The following RNF182 variants were observed in gnomAD, a reference collection of about 807,000 sequenced individuals.
RNF182 encodes the protein ring finger protein 182.
RNF182 carries 15 observed loss-of-function variants against 14.4 expected under a neutral mutation model. That is an observed-to-expected ratio of 1.04 (90% confidence interval 0.70 to 1.60). The LOEUF is 1.60. Ranked by LOEUF, RNF182 falls within the 40% of genes most tolerant of loss-of-function variation. The pLI is 0.00. For missense variants in RNF182, 268 were observed against 294.8 expected (o/e 0.91, Z 0.67); for synonymous variants, 128 against 122.9 (o/e 1.04, Z -0.27).
intron 1 of RNF182, among the ~76,000 whole-genome samples, chr6:13,941,877 C>T (rs1052135332): frequency 7.9e-5 from 12 of 152,270 alleles, no homozygotes; most frequent in South Asian, 4.1e-4. Flanking sequence ...AATAAAATAA[C>T]ATTATACATT....
intron 1 of RNF182, among the ~76,000 whole-genome samples, chr6:13,928,427 T>C (rs1758884147): frequency 6.6e-6 from 1 of 152,246 alleles, no homozygotes; most frequent in African/African-American, 2.4e-5. Context: ...ATTTATTTTA[T>C]ATGTAATTCT....
chr6:13,938,896 A>G (rs1289341936), intron 1 of RNF182, among the ~76,000 whole-genome samples: 2 of 152,190 alleles, frequency 1.3e-5, no homozygotes, highest in African/African-American at 4.8e-5. Flanking sequence ...CAGCCTGGCC[A>G]ACATGGTGAA....
intron 1 of RNF182, among the ~76,000 whole-genome samples, chr6:13,942,406 A>G (rs950280053): frequency 6.6e-6 from 1 of 152,156 alleles, no homozygotes; most frequent in Non-Finnish European, 1.5e-5. Flanking sequence ...AAGTGGTGTG[A>G]TCTCAGCTCA....
At chr6:13,974,706 T>A (rs1760280675) in intron 2 of RNF182, among the ~76,000 whole-genome samples, 1 of 152,250 alleles carries the variant, frequency 6.6e-6, no homozygotes, top group Non-Finnish European at 1.5e-5. Flanking sequence ...TGTTCTAATG[T>A]GTTCTTACGT....
At chr6:13,947,257 A>T (rs1282931976) in intron 1 of RNF182, among the ~76,000 whole-genome samples, 2 of 152,198 alleles carry the variant, frequency 1.3e-5, no homozygotes, top group Non-Finnish European at 2.9e-5. Flanking sequence ...TAAATTGCAG[A>T]AAAAACTCAA....
chr6:13,955,640 T>G (rs377235860), intron 1 of RNF182, among the ~76,000 whole-genome samples: 1 of 152,238 alleles, frequency 6.6e-6, no homozygotes, highest in African/African-American at 2.4e-5. Context: ...CACAGGGCCC[T>G]TGATGCATTA....
In RNF182 at chr6:13,925,033, T is replaced by C. The variant is rs1317155017; in HGVS notation, c.-367+10T>C. The C allele has an allele frequency of 8.2e-3, 19 of 2,312 alleles. No individual in the cohort carries two copies. The highest frequency in any genetic ancestry group is 0.12 in the South Asian group (2 of 16). The allele number at this position is 2,312 out of a possible 1,614,324, so 0.1% of individuals were successfully genotyped here. ...GGCCGCCGCCGGCCAGGTAAGGCGA[T>C]CGCGCCCGCGGCCGGGGAGGGGTCG... On this transcript the variant is annotated intron_variant, in intron 1 of 2. Transcript: ENST00000488300.
intron 1 of RNF182, among the ~76,000 whole-genome samples, chr6:13,953,596 G>A (rs574122805): frequency 3.3e-5 from 5 of 152,166 alleles, no homozygotes; most frequent in Admixed American, 6.5e-5. Context: ...ATAAAGTGGC[G>A]TAAGTCAGGG....
intron 1 of RNF182, among the ~76,000 whole-genome samples, chr6:13,941,116 C>G (rs186915281): frequency 6.6e-6 from 1 of 152,148 alleles, no homozygotes; most frequent in East Asian, 1.9e-4. Flanking sequence ...AAGTTTCTAT[C>G]TACAATTTTT....
chr6:13,948,806 A>C (rs186469145), intron 1 of RNF182, among the ~76,000 whole-genome samples: 16 of 152,308 alleles, frequency 1.1e-4, no homozygotes, highest in African/African-American at 3.8e-4. Context: ...TTACCCATTG[A>C]TAGAGGGAAG....
chr6:13,951,492 G>T (rs2113614765), intron 1 of RNF182, among the ~76,000 whole-genome samples: 1 of 152,334 alleles, frequency 6.6e-6, no homozygotes, highest in South Asian at 2.1e-4. Context: ...TGATCCCAGT[G>T]TGCCAAGAGC....
chr6:13,977,228 C>T lies in RNF182; in HGVS notation c.109C>T (p.Leu37=). The change falls in exon 3 of 3, where the codon CTG becomes TTG. Residue 37 remains leucine, a synonymous_variant. Transcript: ENST00000488300. Reference sequence around the variant, plus strand: ...TCTGAAACAGAGGAAACCCAAAGTGCTGGAGTGTTGTCATAGGGTTTGTGC... The same window carrying T: ...TCTGAAACAGAGGAAACCCAAAGTGTTGGAGTGTTGTCATAGGGTTTGTGC... The part of the protein sequence containing the change: ...YNLKQRKPKV[L]ECCHRVCAKC... 1 of 1,614,178 alleles carries T rather than the reference C, an allele frequency of 6.2e-7. No homozygotes were observed. Among genetic ancestry groups the T allele is most frequent in the Non-Finnish European group, 8.5e-7 (1 of 1,180,022 alleles).
chr6:13,972,082 C>T (rs1050695399), intron 1 of RNF182, among the ~76,000 whole-genome samples: 7 of 151,728 alleles, frequency 4.6e-5, no homozygotes, highest in Admixed American at 2.0e-4. Flanking sequence ...AGGCAGATCA[C>T]GAGATCAGGA....
intron 1 of RNF182, among the ~76,000 whole-genome samples, chr6:13,937,816 C>G (rs1366091241): frequency 6.6e-6 from 1 of 152,116 alleles, no homozygotes; most frequent in Admixed American, 6.6e-5. Context: ...CTCATTCTTG[C>G]TCATAGTTGG....
intron 1 of RNF182, among the ~76,000 whole-genome samples, chr6:13,957,878 G>A (rs895063096): frequency 6.6e-6 from 1 of 152,124 alleles, no homozygotes; most frequent in East Asian, 1.9e-4. Context: ...AATCCTATGA[G>A]AATTTTATTC....
At chr6:13,950,132 A>G (rs567527428) in intron 1 of RNF182, among the ~76,000 whole-genome samples, 7 of 152,356 alleles carry the variant, frequency 4.6e-5, no homozygotes, top group African/African-American at 1.7e-4. Context: ...ACCTTGCTCC[A>G]ATAGTCTCAA....
chr6:13,975,168 G>A (rs530370396), intron 2 of RNF182, among the ~76,000 whole-genome samples: 1 of 152,268 alleles, frequency 6.6e-6, no homozygotes, highest in Admixed American at 6.5e-5. Context: ...ACTGTGTGTG[G>A]TGACCAGGAT....
At chr6:13,947,796 A>G (rs1425133122) in intron 1 of RNF182, among the ~76,000 whole-genome samples, 1 of 152,352 alleles carries the variant, frequency 6.6e-6, no homozygotes, top group Admixed American at 6.5e-5. Flanking sequence ...GTTTGTTTAC[A>G]TTTGAAAGCA....
rs2113655083 is a variant in RNF182, at chr6:13,977,644, C to A, written c.525C>A (p.Ser175=). The change falls in exon 3 of 3, where the codon TCC becomes TCA. Residue 175 remains serine (S), a synonymous_variant. Transcript: ENST00000488300. ...SHNWTVWNCT[S]LLFQTSIRVL... is the part of the protein sequence containing the mutation. ...ACTGGACTGTGTGGAACTGCACGTCCCTGCTGTTTCAGACATCCATCCGGG... is the reference window on the plus strand; with the variant it reads ...ACTGGACTGTGTGGAACTGCACGTCACTGCTGTTTCAGACATCCATCCGGG... The A allele has an allele frequency of 6.2e-7, 1 of 1,614,196 alleles. No homozygotes were observed. The highest frequency in any genetic ancestry group is 1.7e-5 in the Admixed American group (1 of 60,030).
Sources: allele counts gnomAD v4.1 joint callset (sites outside exome capture counted in the v4.1 genomes callset), GRCh38; gene constraint gnomAD v4.1.1; transcripts MANE v1.5; gene names NCBI Gene and HGNC (gene_info 2026-07-23, HGNC 2026-07-21).